NAV3: variants seen among roughly 807,000 people sequenced by gnomAD.
NAV3 encodes the protein neuron navigator 3.
NAV3 carries 87 observed loss-of-function variants against 244.7 expected under a neutral mutation model. That is an observed-to-expected ratio of 0.36 (90% CI 0.30 to 0.42). NAV3 has a LOEUF of 0.42. Among genes scored for constraint, NAV3 ranks in the 20% least tolerant of loss-of-function variants. The pLI is 1.00. For synonymous variants in NAV3, 1,126 were observed against 1,042.2 expected (o/e 1.08, Z -1.55); for missense variants, 2,663 against 2,893.3 (o/e 0.92, Z 1.83).
intron 7 of NAV3, 147 bp downstream of exon 7, chr12:77,998,623 G>C: frequency 1.4e-6 from 1 of 727,696 alleles, no homozygotes; most frequent in East Asian, 3.1e-5. Flanking sequence ...GTCCCCTCCT[G>C]ACTGCCAGCT....
At chr12:78,148,450 A>G (rs1237704215) in intron 21 of NAV3, among the ~76,000 whole-genome samples, 3 of 152,164 alleles carry the variant, frequency 2.0e-5, no homozygotes, top group Non-Finnish European at 4.4e-5. Flanking sequence ...AGTATCTTTT[A>G]CTAAAAAAGA....
chr12:77,723,376 T>G (rs1876728361), intron 2 of NAV3, among the ~76,000 whole-genome samples: 1 of 152,000 alleles, frequency 6.6e-6, no homozygotes, highest in Non-Finnish European at 1.5e-5. Context: ...TTTTTTAAAT[T>G]TGATTTATGG....
chr12:77,873,773 T>TATATATATATAAAA (rs762527287), intron 1 of NAV3, among the ~76,000 whole-genome samples: 13 of 128,622 alleles, frequency 1.0e-4, no homozygotes, highest in African/African-American at 3.7e-4. Context: ...TATATGTATA[T>TATATATATATAAAA]AACAGCATAT....
Position 78,090,972 on chromosome 12 carries a change from G to C in NAV3, c.2637-25800G>C, listed in dbSNP as rs1460030316. Reference sequence around the variant, plus strand: ...CTGTATTCTGTGTGTGTGTGTGTGTGTGTGTGTGTGTGTGTGTGTGTGTGT... The same window carrying C: ...CTGTATTCTGTGTGTGTGTGTGTGTCTGTGTGTGTGTGTGTGTGTGTGTGT... On this transcript the variant is annotated intron_variant, in intron 12 of 39. Transcript: ENST00000397909. Among the ~76,000 whole-genome samples, 354 of 151,264 alleles carry C rather than the reference G, an allele frequency of 2.3e-3. 1 individual carries two copies. Among genetic ancestry groups the C allele is most frequent in the African/African-American group, 7.6e-3 (312 of 41,248 alleles).
chr12:78,168,975 T>A, intron 24 of NAV3, 109 bp downstream of exon 24: 1 of 628,956 alleles, frequency 1.6e-6, no homozygotes, highest in South Asian at 2.4e-5. Flanking sequence ...TATTAATACA[T>A]ACTAGTTGTA....
chr12:77,892,344 T>G (rs994088489), intron 1 of NAV3, among the ~76,000 whole-genome samples: 1 of 152,172 alleles, frequency 6.6e-6, no homozygotes, highest in African/African-American at 2.4e-5. Context: ...AAATTATTTA[T>G]TTGTGCATTA....
intron 1 of NAV3, among the ~76,000 whole-genome samples, chr12:77,916,446 C>A (rs1457578591): frequency 1.3e-5 from 2 of 151,826 alleles, no homozygotes; most frequent in African/African-American, 4.8e-5. Context: ...TTAATCCTAT[C>A]AAGAGAAGAA....
chr12:77,937,697 G>C (rs914232501), intron 1 of NAV3, among the ~76,000 whole-genome samples: 3 of 152,146 alleles, frequency 2.0e-5, no homozygotes, highest in Non-Finnish European at 4.4e-5. Flanking sequence ...CAGAATTAGT[G>C]ATAGGAGTAG....
chr12:78,099,381 G>A, intron 12 of NAV3, among the ~76,000 whole-genome samples: 1 of 151,710 alleles, frequency 6.6e-6, no homozygotes, highest in African/African-American at 2.4e-5. Context: ...TTTTATGTGT[G>A]TATATACTAC....
chr12:77,945,459 T>C lies in NAV3; in HGVS notation c.414+4326T>C, dbSNP rs7967872. On this transcript the variant is annotated intron_variant, in intron 3 of 39. Coordinates refer to ENST00000397909, the MANE Select transcript of NAV3 (RefSeq NM_001024383.2). Reference sequence around the variant, plus strand: ...TACATAGCAGCTACCACTGAAAGGATTATGGCCGGAACAGGGAAGAAACAC... The same window carrying C: ...TACATAGCAGCTACCACTGAAAGGACTATGGCCGGAACAGGGAAGAAACAC... Among the ~76,000 whole-genome samples the C allele has an allele frequency of 6.4e-3, 977 of 152,260 alleles. 8 individuals carry two copies. The highest frequency in any genetic ancestry group is 0.024 in the Middle Eastern group (7 of 294).
intron 2 of NAV3, among the ~76,000 whole-genome samples, chr12:77,759,600 G>A (rs1869361307): frequency 6.6e-6 from 1 of 152,198 alleles, no homozygotes; most frequent in South Asian, 2.1e-4. Flanking sequence ...AAGTTAACCT[G>A]AGAAGTGTGC....
chr12:78,200,138 C>T (rs564478975), intron 37 of NAV3, among the ~76,000 whole-genome samples: 26 of 152,114 alleles, frequency 1.7e-4, no homozygotes, highest in African/African-American at 6.0e-4. Context: ...TGCCAGGTCC[C>T]AATTCTGCAA....
At chr12:77,593,712 G>A (rs2136732473) in intron 2 of NAV3, among the ~76,000 whole-genome samples, 1 of 150,734 alleles carries the variant, frequency 6.6e-6, no homozygotes, top group African/African-American at 2.4e-5. Flanking sequence ...CTGACCTCGT[G>A]ATCTGCCTGC....
intron 2 of NAV3, among the ~76,000 whole-genome samples, chr12:77,795,968 G>A (rs533667832): frequency 6.6e-6 from 1 of 152,272 alleles, no homozygotes; most frequent in East Asian, 1.9e-4. Context: ...TAATTCCGCA[G>A]CTCTGAAAGA....
At chr12:77,670,863 C>T (rs965670358) in intron 2 of NAV3, among the ~76,000 whole-genome samples, 1 of 151,964 alleles carries the variant, frequency 6.6e-6, no homozygotes, top group African/African-American at 2.4e-5. Flanking sequence ...AAGCATTCTC[C>T]CTAAGAAGTG....
chr12:78,197,343 C>T lies in NAV3; in HGVS notation c.6388C>T (p.His2130Tyr). 1 of 1,608,824 alleles carries T rather than the reference C, an allele frequency of 6.2e-7. No individual in the cohort carries two copies. The highest frequency in any genetic ancestry group is 8.5e-7 in the Non-Finnish European group (1 of 1,176,832). The change falls in exon 35 of 40, where the codon CAT becomes TAT. Residue 2130 changes from histidine (H) to tyrosine (Y), a missense_variant. Around this residue, in one of 6 missense-constraint regions of NAV3, gnomAD observed 543 missense variants for 672.4 expected, o/e 0.81. Transcript: ENST00000397909. ...TGTAATAATTCTTGATAATCTTCAT[C>T]ATGTGGGCTCTCTGAGTGATATCTT... Reference protein sequence around the residue: ...PVVIILDNLHHVGSLSDIFNG... With the variant: ...PVVIILDNLHYVGSLSDIFNG...
At chr12:77,770,801 A>T (rs1041487605) in intron 2 of NAV3, among the ~76,000 whole-genome samples, 7 of 152,242 alleles carry the variant, frequency 4.6e-5, no homozygotes, top group African/African-American at 1.7e-4. Context: ...ACCTAAAACC[A>T]TAAAACCCCT....
intron 5 of NAV3, among the ~76,000 whole-genome samples, chr12:77,981,763 C>T (rs1869608202): frequency 6.6e-6 from 1 of 151,960 alleles, no homozygotes; most frequent in Non-Finnish European, 1.5e-5. Flanking sequence ...TTATTTTATA[C>T]TCTGAGTTTT....
chr12:77,612,664 T>C (rs1315635960), intron 2 of NAV3, among the ~76,000 whole-genome samples: 1 of 152,144 alleles, frequency 6.6e-6, no homozygotes, highest in Admixed American at 6.6e-5. Flanking sequence ...CTAGCATTGC[T>C]TTATTTTATA....
Sources: allele counts gnomAD v4.1 joint callset (sites outside exome capture counted in the v4.1 genomes callset), GRCh38; gene constraint gnomAD v4.1.1; regional missense constraint gnomAD v4.1.1; transcripts MANE v1.5; gene names NCBI Gene and HGNC (gene_info 2026-07-23, HGNC 2026-07-21).